The following FBN1 variants were observed in gnomAD, a reference collection of about 807,000 sequenced individuals.
FBN1 encodes fibrillin-1.
A neutral mutation model predicts 365.1 loss-of-function variants in FBN1; 29 were observed. The ratio of observed to expected loss-of-function variants is 0.08; its 90% CI spans 0.06 to 0.11. The LOEUF is 0.11. Ranked by LOEUF, FBN1 falls within the 10% of genes least tolerant of loss-of-function variation. FBN1 has a pLI of 1.00. For missense variants in FBN1, 2,476 were observed against 3,703.2 expected (o/e 0.67, Z 8.60); for synonymous variants, 1,210 against 1,270.5 (o/e 0.95, Z 1.01).
intron 50 of FBN1, 145 bp downstream of exon 50, chr15:48,441,576 A>G: frequency 9.8e-7 from 1 of 1,021,174 alleles, no homozygotes; most frequent in Non-Finnish European, 1.5e-6. Context: ...ACCTTCTGAC[A>G]TATGGTTATC....
At chr15:48,625,935 TGA>T (rs1555406358) in intron 2 of FBN1, among the ~76,000 whole-genome samples, 2 of 152,108 alleles carry the variant, frequency 1.3e-5, no homozygotes, top group Non-Finnish European at 2.9e-5. Context: ...AAGTGGTAAA[TGA>T]GAGTTTAGAG....
At chr15:48,532,442 ATG>A (rs2043980580) in intron 8 of FBN1, among the ~76,000 whole-genome samples, 2 of 151,908 alleles carry the variant, frequency 1.3e-5, no homozygotes, top group Non-Finnish European at 2.9e-5. Flanking sequence ...ATATAGATAT[ATG>A]TGTGTCTATA....
chr15:48,411,521 A>G, intron 65 of FBN1, 142 bp from the exon 66 acceptor site: 1 of 737,700 alleles, frequency 1.4e-6, no homozygotes, highest in Non-Finnish European at 2.3e-6. Context: ...CATTTTGTTT[A>G]GACCACAAGT....
chr15:48,492,970 C>G (rs2043574843), intron 23 of FBN1, among the ~76,000 whole-genome samples: 1 of 152,130 alleles, frequency 6.6e-6, no homozygotes, highest in African/African-American at 2.4e-5. Flanking sequence ...TTCAAACTAG[C>G]AAAGAAGAAA....
chr15:48,542,326 A>C (rs2044063859), intron 6 of FBN1, among the ~76,000 whole-genome samples: 1 of 152,202 alleles, frequency 6.6e-6, no homozygotes, highest in South Asian at 2.1e-4. Flanking sequence ...TTTGGGCACT[A>C]GGCTCCAATT....
At chr15:48,541,892 T>C (rs2044060645) in intron 6 of FBN1, among the ~76,000 whole-genome samples, 1 of 152,178 alleles carries the variant, frequency 6.6e-6, no homozygotes, top group Non-Finnish European at 1.5e-5. Flanking sequence ...TGCTCTACAA[T>C]CACTTCCTTA....
intron 2 of FBN1, among the ~76,000 whole-genome samples, chr15:48,627,694 T>C (rs1185440327): frequency 1.3e-5 from 2 of 152,222 alleles, no homozygotes; most frequent in Non-Finnish European, 2.9e-5. Context: ...GCTGGGATAT[T>C]GTCCATTACA....
intron 32 of FBN1, among the ~76,000 whole-genome samples, chr15:48,476,097 G>C (rs1412362255): frequency 6.6e-6 from 1 of 152,176 alleles, no homozygotes; most frequent in African/African-American, 2.4e-5. Context: ...CACATTCCAA[G>C]GAAATGAGGA....
chr15:48,596,358 G>A lies in FBN1; in HGVS notation c.463C>T (p.Leu155Phe), dbSNP rs1324666333. The change falls in exon 6 of 66, where the codon CTC becomes TTC. Residue 155 changes from leucine (L) to phenylalanine (F), a missense_variant. Leu to Phe is a conservative substitution (Grantham distance 22). Transcript: ENST00000316623. The stretch of plus-strand genomic sequence containing the variant: ...GGGGCCACACACCTTCCTCCATTGA[G>A]ACAGCCACTTTCACAAACAGCTGTA... ...CGQPVCESGC[L>F]NGGRCVAPNR... 1 of 1,614,046 alleles carries A rather than the reference G, an allele frequency of 6.2e-7. No homozygotes were observed. Among genetic ancestry groups the A allele is most frequent in the Non-Finnish European group, 8.5e-7 (1 of 1,179,898 alleles).
At chr15:48,466,523 T>C (rs2043323536) in intron 38 of FBN1, among the ~76,000 whole-genome samples, 6 of 152,244 alleles carry the variant, frequency 3.9e-5, no homozygotes, top group Admixed American at 3.9e-4. Context: ...ACAGGACATG[T>C]GAATAAGAAT....
intron 45 of FBN1, among the ~76,000 whole-genome samples, chr15:48,450,484 T>C (rs2043192624): frequency 6.6e-6 from 1 of 152,192 alleles, no homozygotes; most frequent in African/African-American, 2.4e-5. Context: ...AACTCTTAGA[T>C]GATCATATTT....
chr15:48,470,014 G>A (rs760919976), intron 36 of FBN1, among the ~76,000 whole-genome samples: 11 of 152,092 alleles, frequency 7.2e-5, no homozygotes, highest in Admixed American at 2.6e-4. Context: ...CAGTATCCTT[G>A]AACAGAGGGG....
rs369632686 is a variant in FBN1, at chr15:48,452,516, G to A, written c.5545+46C>T. On this transcript the variant is annotated intron_variant, in intron 45 of 65. Transcript: ENST00000316623. The stretch of plus-strand genomic sequence containing the variant: ...ATCCAGATATCTGAAGCTTCATGAA[G>A]ACAAACTCTTGGGTAGGCATGTCCA... 32 of 1,611,466 alleles carry A rather than the reference G, an allele frequency of 2.0e-5. No individual in the cohort carries two copies. The African/African-American group carries it at 4.1e-4, about 21-fold the overall frequency.
chr15:48,493,268 T>C (rs1331106774), intron 23 of FBN1, among the ~76,000 whole-genome samples: 1 of 151,960 alleles, frequency 6.6e-6, no homozygotes, highest in African/African-American at 2.4e-5. Context: ...TTTGGAAAAG[T>C]ATTCACCACC....
At chr15:48,481,602 A>T in intron 32 of FBN1, 53 bp downstream of exon 32, 1 of 1,575,250 alleles carries the variant, frequency 6.3e-7, no homozygotes, top group Non-Finnish European at 8.7e-7. Flanking sequence ...TATAATTATG[A>T]TACCAATCTC....
chr15:48,566,355 T>G (rs1194149392), intron 6 of FBN1, among the ~76,000 whole-genome samples: 2 of 152,258 alleles, frequency 1.3e-5, no homozygotes, highest in African/African-American at 4.8e-5. Flanking sequence ...TTGTGTCAAC[T>G]TGAATTTCAT....
chr15:48,417,141 T>C (rs2042908247), intron 63 of FBN1, among the ~76,000 whole-genome samples: 2 of 152,144 alleles, frequency 1.3e-5, no homozygotes, highest in African/African-American at 2.4e-5. Flanking sequence ...CAAGAGACGC[T>C]CCACATTTAA....
At chr15:48,443,317 T>C (rs1376045968) in intron 49 of FBN1, among the ~76,000 whole-genome samples, 2 of 152,200 alleles carry the variant, frequency 1.3e-5, no homozygotes, top group Non-Finnish European at 1.5e-5. Context: ...TTTTTAATTA[T>C]TACTATGACT....
chr15:48,508,746 A>G, intron 14 of FBN1, 42 bp from the exon 15 acceptor site: 1 of 1,610,318 alleles, frequency 6.2e-7, no homozygotes, highest in Non-Finnish European at 8.5e-7. Flanking sequence ...CCAGAAGAGT[A>G]AGCTTACGAA....
Sources: gnomAD v4.1 joint callset for allele counts (sites outside exome capture counted in the v4.1 genomes callset) on GRCh38, gnomAD v4.1.1 for gene constraint, MANE v1.5 for transcripts, NCBI Gene and HGNC (gene_info 2026-07-23, HGNC 2026-07-21) for gene names.